BBS9: variants seen among roughly 807,000 people sequenced by gnomAD.
The protein encoded by BBS9 is protein PTHB1.
A neutral mutation model predicts 117.7 loss-of-function variants in BBS9; 89 were observed. The ratio of observed to expected loss-of-function variants is 0.76; its 90% CI spans 0.64 to 0.90. BBS9 has a LOEUF of 0.90. Among genes scored for constraint, BBS9 ranks in the 40% least tolerant of loss-of-function variants. The probability of loss-of-function intolerance (pLI) is 0.00; values close to 1 mark genes in which losing one functional copy is unlikely to be tolerated. For synonymous variants in BBS9, 379 were observed against 370.9 expected (o/e 1.02, Z -0.25); for missense variants, 982 against 1,042.2 (o/e 0.94, Z 0.80).
intron 19 of BBS9, among the ~76,000 whole-genome samples, chr7:33,460,585 A>T (rs544784523): frequency 6.6e-6 from 1 of 152,162 alleles, no homozygotes; most frequent in South Asian, 2.1e-4. Context: ...AATTTGTTCA[A>T]GGTATTCTTA....
chr7:33,352,534 C>T (rs938179385), intron 14 of BBS9, among the ~76,000 whole-genome samples: 8 of 151,894 alleles, frequency 5.3e-5, no homozygotes, highest in Non-Finnish European at 1.2e-4. Context: ...GTATTTTCCC[C>T]TTTATTGAGT....
chr7:33,521,736 G>C (rs1284219812), intron 20 of BBS9, among the ~76,000 whole-genome samples: 1 of 150,120 alleles, frequency 6.7e-6, no homozygotes, highest in Non-Finnish European at 1.5e-5. Context: ...TCAAAGGGCT[G>C]TTTTCTTTTT....
chr7:33,634,175 CA>C (rs1172132131), intron 21 of BBS9, among the ~76,000 whole-genome samples: 2 of 152,232 alleles, frequency 1.3e-5, no homozygotes, highest in African/African-American at 4.8e-5. Context: ...CTGCCTCCCC[CA>C]GGAGTGCCTG....
At position 33,616,217 on chromosome 7, in the gene BBS9, AATAT is replaced by A. The variant is rs1252006190; in HGVS notation, c.2522-18952_2522-18949del. Among the ~76,000 whole-genome samples, 5 of 151,064 alleles carry A rather than the reference AATAT, an allele frequency of 3.3e-5. No homozygotes were observed. In the South Asian group the frequency reaches 6.2e-4, roughly 19 times the overall value. The stretch of plus-strand genomic sequence containing the variant: ...TTCAAAATAATAAACAATGTATTAA[AATAT>A]ATATATAATGTATAAGTGAAATGAA... On this transcript the variant is annotated intron_variant, in intron 21 of 21. Coordinates refer to the BBS9 transcript ENST00000671952.
intron 19 of BBS9, among the ~76,000 whole-genome samples, chr7:33,404,332 T>C (rs1486286494): frequency 2.0e-5 from 3 of 152,314 alleles, no homozygotes; most frequent in African/African-American, 7.2e-5. Context: ...TGTGGGCTCC[T>C]TTTTGGTTCC....
intron 9 of BBS9, among the ~76,000 whole-genome samples, chr7:33,324,764 CT>C (rs199621740): frequency 0.016 from 2,457 of 151,962 alleles, 74 homozygotes; most frequent in African/African-American, 0.057. Context: ...AGGAAAAAGT[CT>C]TTTTTTTCTT....
chr7:33,408,818 A>C (rs149116982), intron 19 of BBS9, among the ~76,000 whole-genome samples: 23 of 152,230 alleles, frequency 1.5e-4, no homozygotes, highest in African/African-American at 5.3e-4. Context: ...ACTAATTTAC[A>C]TTTCCCCAGT....
chr7:33,532,900 A>T (rs1432119802), intron 20 of BBS9, among the ~76,000 whole-genome samples: 1 of 152,110 alleles, frequency 6.6e-6, no homozygotes, highest in Non-Finnish European at 1.5e-5. Context: ...GTCGTTCTTT[A>T]TAATTGTATT....
intron 19 of BBS9, among the ~76,000 whole-genome samples, chr7:33,462,182 T>C (rs1407492760): frequency 6.6e-6 from 1 of 152,078 alleles, no homozygotes; most frequent in Admixed American, 6.6e-5. Context: ...TGTTCCTTGT[T>C]AGCTTCTCCT....
chr7:33,198,892 G>A (rs1324818843), intron 5 of BBS9, among the ~76,000 whole-genome samples: 3 of 151,966 alleles, frequency 2.0e-5, no homozygotes, highest in African/African-American at 4.8e-5. Flanking sequence ...TGGTTTTAAT[G>A]TGGGTCCTGA....
At chr7:33,241,132 C>T (rs1485626962) in intron 5 of BBS9, among the ~76,000 whole-genome samples, 16 of 151,974 alleles carry the variant, frequency 1.1e-4, no homozygotes, top group Admixed American at 8.5e-4. Flanking sequence ...GTTGACCTAG[C>T]GTTAGTGTGT....
chr7:33,180,849 CAAAT>C (rs1420251604), intron 5 of BBS9, among the ~76,000 whole-genome samples: 1 of 152,016 alleles, frequency 6.6e-6, no homozygotes, highest in African/African-American at 2.4e-5. Context: ...CCTGGTGTGA[CAAAT>C]AAACCCAGGC....
exon 22 of BBS9, among the ~76,000 whole-genome samples, chr7:33,635,613 C>T (rs1262130464): frequency 6.6e-6 from 1 of 152,212 alleles, no homozygotes; most frequent in East Asian, 1.9e-4. Context: ...ATCCTCTGTG[C>T]TTTGACTGAC....
chr7:33,420,513 T>C (rs1268476986), intron 19 of BBS9, among the ~76,000 whole-genome samples: 27 of 152,138 alleles, frequency 1.8e-4, no homozygotes. Context: ...TGTTACGAGG[T>C]TTGGGCAGGA....
At position 33,160,610 on chromosome 7, in the gene BBS9, A is replaced by G. The variant is rs548896166; in HGVS notation, c.328+4908A>G. Among the ~76,000 whole-genome samples the G allele has an allele frequency of 3.3e-3, 502 of 152,310 alleles. 2 individuals carry two copies. Among genetic ancestry groups the G allele is most frequent in the African/African-American group, 0.012 (487 of 41,566 alleles). Reference sequence around the variant, plus strand: ...AGAAAAAGCTGTCTATATCATGGATACCATCTTCTTCTGGGGAGAAACTTT... The same window carrying G: ...AGAAAAAGCTGTCTATATCATGGATGCCATCTTCTTCTGGGGAGAAACTTT... On this transcript the variant is annotated intron_variant, in intron 4 of 22. Transcript: ENST00000242067.
chr7:33,180,016 C>T (rs980410140), intron 5 of BBS9, among the ~76,000 whole-genome samples: 4 of 152,166 alleles, frequency 2.6e-5, no homozygotes, highest in African/African-American at 9.7e-5. Flanking sequence ...TTCCCCTGGT[C>T]ACCTGCTCTG....
At chr7:33,520,909 G>A (rs998563011) in intron 20 of BBS9, among the ~76,000 whole-genome samples, 1 of 152,154 alleles carries the variant, frequency 6.6e-6, no homozygotes, top group Admixed American at 6.5e-5. Context: ...TTCTCACTGG[G>A]AAATCTGGTC....
intron 5 of BBS9, among the ~76,000 whole-genome samples, chr7:33,193,305 A>G (rs1471772246): frequency 6.6e-6 from 1 of 151,234 alleles, no homozygotes; most frequent in Admixed American, 6.6e-5. Flanking sequence ...TTTAATTCAT[A>G]TTCTTATTAA....
At chr7:33,390,437 T>A in intron 19 of BBS9, 1 of 983,960 alleles carries the variant, frequency 1.0e-6, no homozygotes, top group Non-Finnish European at 1.2e-6. Flanking sequence ...GGCTTTTCAC[T>A]TGAATGTATA....
Sources: gnomAD v4.1 joint callset for allele counts (sites outside exome capture counted in the v4.1 genomes callset) on GRCh38, gnomAD v4.1.1 for gene constraint, MANE v1.5 for transcripts, NCBI Gene and HGNC (gene_info 2026-07-23, HGNC 2026-07-21) for gene names.